The following CHST3 variants were observed in gnomAD, a reference collection of about 807,000 sequenced individuals.
CHST3 encodes the protein C6ST-1.
Under a neutral mutation model 35.4 loss-of-function variants are expected in CHST3, and 20 were observed. The observed-to-expected ratio is 0.57, with a 90% confidence interval of 0.40 to 0.82. CHST3 has a LOEUF of 0.82. CHST3 is among the 40% of genes least tolerant of loss of function. CHST3 has a pLI of 0.00. For synonymous variants in CHST3, 334 were observed against 295.9 expected, an observed-to-expected ratio of 1.13 and a Z score of -1.32; for missense variants, 693 against 670.1, an observed-to-expected ratio of 1.03 and a Z score of -0.38.
chr10:71,980,250 C>T (rs1018856082), intron 1 of CHST3, among the ~76,000 whole-genome samples: 70 of 152,160 alleles, frequency 4.6e-4, no homozygotes, highest in Non-Finnish European at 9.7e-4. Context: ...CACAGTGGCT[C>T]ATGTCTGTAA....
In CHST3 at chr10:71,970,367, A is replaced by G. The variant is rs569675146; in HGVS notation, c.-108+5673A>G. On this transcript the variant is annotated intron_variant, in intron 1 of 2. Transcript: ENST00000373115. ...GACTCTATGAAAAGGATTTGGAGAA[A>G]AAGTGTGGAAAATAAACAAGCCAGT... Among the ~76,000 whole-genome samples, 4 of 152,322 alleles carry G rather than the reference A, an allele frequency of 2.6e-5. No individual in the cohort carries two copies. In the South Asian group the frequency reaches 8.3e-4, roughly 32 times the overall value.
At chr10:71,982,700 G>A (rs1839812518) in intron 1 of CHST3, among the ~76,000 whole-genome samples, 1 of 152,178 alleles carries the variant, frequency 6.6e-6, no homozygotes, top group South Asian at 2.1e-4. Context: ...AGTGGGCCAT[G>A]ATCATGCCAC....
intron 1 of CHST3, among the ~76,000 whole-genome samples, chr10:71,990,594 C>T (rs1480407052): frequency 6.6e-6 from 1 of 152,162 alleles, no homozygotes; most frequent in East Asian, 1.9e-4. Context: ...AACTCCCGCC[C>T]TCAGGTGATC....
intron 1 of CHST3, among the ~76,000 whole-genome samples, chr10:72,005,150 A>T (rs910647050): frequency 4.6e-5 from 7 of 152,210 alleles, no homozygotes; most frequent in African/African-American, 1.7e-4. Flanking sequence ...ATTATTGGCA[A>T]TTAGTGGGTA....
intron 1 of CHST3, among the ~76,000 whole-genome samples, chr10:71,984,507 G>A (rs917065722): frequency 2.0e-5 from 3 of 152,218 alleles, no homozygotes; most frequent in African/African-American, 7.2e-5. Context: ...GGTCCTGAAA[G>A]ATCAGTTCCT....
At chr10:72,005,293 GTGTGTGTC>G (rs1465198275) in intron 1 of CHST3, among the ~76,000 whole-genome samples, 52 of 146,310 alleles carry the variant, frequency 3.6e-4, no homozygotes, top group African/African-American at 8.8e-4. Context: ...TTGTGTGTGT[GTGTGTGTC>G]TGTGTGTGTG....
chr10:71,978,784 G>C (rs749060143), intron 1 of CHST3, among the ~76,000 whole-genome samples: 1 of 152,176 alleles, frequency 6.6e-6, no homozygotes, highest in Admixed American at 6.5e-5. Flanking sequence ...GAGGGGAGGC[G>C]CCCTGCCTCT....
At position 72,007,403 on chromosome 10, in the gene CHST3, C is replaced by T. The variant is rs779251545; in HGVS notation, c.372C>T (p.Pro124=). The change falls in exon 3 of 3, where the codon CCC becomes CCT. Residue 124 remains proline (P), a synonymous_variant. Transcript: ENST00000373115. ...EEEQRKEEEP[P]RPAVAGPRRH... ...AGCAGAGAAAGGAGGAGGAGCCGCC[C>T]AGACCGGCCGTGGCGGGGCCCCGGC... is the stretch of plus-strand genomic sequence containing the variant. 4 of 1,606,138 alleles carry T rather than the reference C, an allele frequency of 2.5e-6. No homozygotes were observed. In the South Asian group the frequency reaches 4.4e-5, roughly 18 times the overall value.
chr10:71,973,987 C>T (rs1240930368), intron 1 of CHST3, among the ~76,000 whole-genome samples: 2 of 152,202 alleles, frequency 1.3e-5, no homozygotes, highest in African/African-American at 2.4e-5. Context: ...CCCCAACTCC[C>T]CACTTACTGG....
At position 72,008,053 on chromosome 10, in the gene CHST3, T is replaced by A. The variant is rs755903839; in HGVS notation, c.1022T>A (p.Leu341Gln). 9.0e-6 allele frequency: 14 copies of A among 1,548,960 alleles called. No homozygotes were observed. Among genetic ancestry groups the A allele is most frequent in the South Asian group, 6.0e-5 (5 of 84,026 alleles). The change falls in exon 3 of 3, where the codon CTG becomes CAG. Residue 341 changes from leucine to glutamine, a missense_variant. Transcript: ENST00000373115. ...DGLREEEVQR[L>Q]RGNCESIRLS... is the part of the protein sequence containing the mutation. ...CTGAGGGAAGAGGAGGTGCAGCGGC[T>A]GCGGGGCAACTGCGAGAGCATCCGC... is the stretch of plus-strand genomic sequence containing the variant.
intron 1 of CHST3, among the ~76,000 whole-genome samples, chr10:71,992,082 T>C (rs1383829708): frequency 6.6e-6 from 1 of 152,228 alleles, no homozygotes; most frequent in African/African-American, 2.4e-5. Flanking sequence ...CTTGTAGTCT[T>C]TTTGCTGGAG....
chr10:71,998,031 TG>T lies in CHST3; in HGVS notation c.-107-7702del, dbSNP rs1839957403. Among the ~76,000 whole-genome samples the T allele has an allele frequency of 2.0e-5, 3 of 152,250 alleles. 1 individual carries two copies. In the South Asian group the frequency reaches 6.2e-4, roughly 32 times the overall value. Reference sequence around the variant, plus strand: ...GCACGTGCCTGTGCTCCCAGCTCCTTGGGAAGCTGAGGTGGGAGGATTGCCT... The same window carrying T: ...GCACGTGCCTGTGCTCCCAGCTCCTTGGAAGCTGAGGTGGGAGGATTGCCT... On this transcript the variant is annotated intron_variant, in intron 1 of 2. Transcript: ENST00000373115.
chr10:71,993,822 G>A (rs1006279154), intron 1 of CHST3, among the ~76,000 whole-genome samples: 3 of 151,860 alleles, frequency 2.0e-5, no homozygotes, highest in African/African-American at 4.8e-5. Flanking sequence ...CCAGGAGGCC[G>A]GGTGCAGTGG....
At position 71,990,141 on chromosome 10, in the gene CHST3, T is replaced by A. The variant is rs1015227956; in HGVS notation, c.-107-15595T>A. On this transcript the variant is annotated intron_variant, in intron 1 of 2. Transcript: ENST00000373115. Reference sequence around the variant, plus strand: ...GAAGTGGAATTCCTGGGTCGAAGAGTGTTATAGCAGTCCTTTGGGGCTGCT... The same window carrying A: ...GAAGTGGAATTCCTGGGTCGAAGAGAGTTATAGCAGTCCTTTGGGGCTGCT... 2.6e-5 allele frequency among the ~76,000 whole-genome samples: 4 copies of A among 151,994 alleles called. No homozygotes were observed. In the South Asian group the frequency reaches 6.2e-4, roughly 24 times the overall value.
intron 1 of CHST3, among the ~76,000 whole-genome samples, chr10:71,971,876 T>A (rs1422117179): frequency 6.6e-6 from 1 of 152,246 alleles, no homozygotes; most frequent in Middle Eastern, 3.4e-3. Flanking sequence ...AACCTGCCAG[T>A]CACGAAGCAG....
chr10:72,001,143 G>T (rs1031231317), intron 1 of CHST3, among the ~76,000 whole-genome samples: 1 of 152,192 alleles, frequency 6.6e-6, no homozygotes, highest in East Asian at 1.9e-4. Flanking sequence ...CACCTAGAAG[G>T]TTGGGCTGGC....
rs540229651 is a variant in CHST3 at position 71,984,887 on chromosome 10, G to C, written c.-108+20193G>C. Reference sequence around the variant, plus strand: ...TGGTTCCATGCTTGGCCCAGAGCAAGTCCTCAGCAAATGAATATACTTGTT... The same window carrying C: ...TGGTTCCATGCTTGGCCCAGAGCAACTCCTCAGCAAATGAATATACTTGTT... On this transcript the variant is annotated intron_variant, in intron 1 of 2. Transcript: ENST00000373115. Among the ~76,000 whole-genome samples, 6 of 152,316 alleles carry C rather than the reference G, an allele frequency of 3.9e-5. 1 individual carries two copies. The South Asian group carries it at 1.2e-3, about 32-fold the overall frequency.
intron 1 of CHST3, among the ~76,000 whole-genome samples, chr10:71,987,402 A>G (rs1839858538): frequency 1.3e-5 from 2 of 152,120 alleles, no homozygotes; most frequent in South Asian, 4.1e-4. Flanking sequence ...AGAGGATTCA[A>G]ATTCTGTTGC....
At chr10:71,992,767 T>G (rs941412318) in intron 1 of CHST3, among the ~76,000 whole-genome samples, 3 of 151,766 alleles carry the variant, frequency 2.0e-5, no homozygotes, top group African/African-American at 7.3e-5. Context: ...TTCAAGCAAT[T>G]CTACTGCCTC....
Sources: allele counts gnomAD v4.1 joint callset (sites outside exome capture counted in the v4.1 genomes callset), GRCh38; gene constraint gnomAD v4.1.1; transcripts MANE v1.5; gene names NCBI Gene and HGNC (gene_info 2026-07-23, HGNC 2026-07-21).